The following RBFOX1 variants were observed in gnomAD, a reference collection of about 807,000 sequenced individuals.
RBFOX1 encodes the protein RNA binding protein fox-1 homolog 1.
RBFOX1 carries 8 observed loss-of-function variants against 57.7 expected under a neutral mutation model. That is an observed-to-expected ratio of 0.14 (90% CI 0.08 to 0.25). The LOEUF is 0.25. Ranked by LOEUF, RBFOX1 falls within the 10% of genes least tolerant of loss-of-function variation. RBFOX1 has a pLI of 1.00. For synonymous variants in RBFOX1, 326 were observed against 222.4 expected (o/e 1.47, Z -4.15); for missense variants, 611 against 548.5 (o/e 1.11, Z -1.14).
At chr16:6,550,403 A>C (rs2153872088) in intron 2 of RBFOX1, among the ~76,000 whole-genome samples, 1 of 152,236 alleles carries the variant, frequency 6.6e-6, no homozygotes, top group South Asian at 2.1e-4. Flanking sequence ...TCTCCAGTTC[A>C]TGGCCTCCAA....
At chr16:5,760,657 T>C (rs2053562852) in intron 3 of RBFOX1, among the ~76,000 whole-genome samples, 1 of 152,202 alleles carries the variant, frequency 6.6e-6, no homozygotes, top group South Asian at 2.1e-4. Context: ...AAAGGCCACA[T>C]CTTGTACAAT....
intron 3 of RBFOX1, among the ~76,000 whole-genome samples, chr16:7,013,551 G>A (rs1447653652): frequency 2.0e-5 from 3 of 152,196 alleles, no homozygotes; most frequent in Non-Finnish European, 2.9e-5. Context: ...CAAAATGTTA[G>A]CAGTGCTGAT....
chr16:6,917,980 G>A (rs995756840), intron 3 of RBFOX1, among the ~76,000 whole-genome samples: 9 of 152,050 alleles, frequency 5.9e-5, no homozygotes, highest in Non-Finnish European at 1.2e-4. Flanking sequence ...AGCCACTTAC[G>A]AATTTGTTAA....
In RBFOX1 at chr16:6,859,224, C is replaced by T. The variant is rs552744494; in HGVS notation, c.-15-192833C>T. Among the ~76,000 whole-genome samples, 11 of 110,180 alleles carry T rather than the reference C, an allele frequency of 1.0e-4. No homozygotes were observed. The East Asian group carries it at 2.9e-3, about 29-fold the overall frequency. The allele number at this position is 110,180 out of a possible 152,430, so 72.3% of individuals were successfully genotyped here. On this transcript the variant is annotated intron_variant, in intron 3 of 15. Coordinates refer to ENST00000550418, the MANE Select transcript of RBFOX1 (RefSeq NM_018723.4). ...ATATATATATATACAAAAATTAGTT[C>T]CTCAATCCAATAAGAACATGATTCT...
chr16:6,972,032 CAG>C (rs2085668092), intron 3 of RBFOX1, among the ~76,000 whole-genome samples: 1 of 152,128 alleles, frequency 6.6e-6, no homozygotes, highest in Non-Finnish European at 1.5e-5. Context: ...AAGAGGGGAA[CAG>C]AGAGGGTCAA....
chr16:5,645,029 C>T (rs2049000947), intron 3 of RBFOX1, among the ~76,000 whole-genome samples: 1 of 150,600 alleles, frequency 6.6e-6, no homozygotes. Context: ...TGAAGTCAGG[C>T]ATTTGAGACC....
chr16:7,186,995 A>ACACACAC (rs1007568191), intron 4 of RBFOX1, among the ~76,000 whole-genome samples: 1 of 24,200 alleles, frequency 4.1e-5, no homozygotes, highest in African/African-American at 2.7e-4. Context: ...CCACCTCCAC[A>ACACACAC]AAAAAAAAAA....
chr16:7,330,350 GAACA>G (rs1448234022), intron 4 of RBFOX1, among the ~76,000 whole-genome samples: 4 of 143,932 alleles, frequency 2.8e-5, no homozygotes, highest in African/African-American at 1.0e-4. Flanking sequence ...ATAATGACAA[GAACA>G]AACAGTCTGT....
At chr16:6,210,493 G>A (rs1598393928) in intron 1 of RBFOX1, among the ~76,000 whole-genome samples, 1 of 151,986 alleles carries the variant, frequency 6.6e-6, no homozygotes, top group Non-Finnish European at 1.5e-5. Context: ...ACTTTAAGAA[G>A]CTGAGACAAG....
At chr16:7,333,088 G>T in intron 4 of RBFOX1, 1 of 1,613,252 alleles carries the variant, frequency 6.2e-7, no homozygotes, top group Non-Finnish European at 8.5e-7. Flanking sequence ...GACTGATTCA[G>T]GTAATTCAAG....
intron 3 of RBFOX1, among the ~76,000 whole-genome samples, chr16:5,657,931 C>T (rs1318851338): frequency 6.6e-6 from 1 of 151,816 alleles, no homozygotes; most frequent in Admixed American, 6.6e-5. Context: ...GAGGTTTCGC[C>T]ACCTTGGCCA....
chr16:7,449,351 C>G (rs923967248), intron 4 of RBFOX1, among the ~76,000 whole-genome samples: 6 of 152,052 alleles, frequency 3.9e-5, no homozygotes, highest in Non-Finnish European at 5.9e-5. Context: ...ACCCACCATG[C>G]CAAGTGAAAG....
chr16:5,632,407 C>T (rs2048540604), intron 3 of RBFOX1: 1 of 152,142 alleles, frequency 6.6e-6, no homozygotes, highest in African/African-American at 2.4e-5. Context: ...AATAGCTACC[C>T]TGTATGTTGT....
intron 3 of RBFOX1, among the ~76,000 whole-genome samples, chr16:6,915,130 G>A (rs555203902): frequency 3.9e-5 from 6 of 152,226 alleles, no homozygotes; most frequent in African/African-American, 7.2e-5. Flanking sequence ...AATCAGTGGC[G>A]GAGCCATGCT....
chr16:7,624,154 G>C (rs2142183414), intron 10 of RBFOX1, among the ~76,000 whole-genome samples: 1 of 152,312 alleles, frequency 6.6e-6, no homozygotes, highest in African/African-American at 2.4e-5. Flanking sequence ...AATGGCATCA[G>C]ACGCCTACTA....
intron 4 of RBFOX1, among the ~76,000 whole-genome samples, chr16:7,140,208 C>A (rs1283301822): frequency 1.4e-5 from 2 of 144,280 alleles, no homozygotes; most frequent in Admixed American, 1.4e-4. Context: ...CCTTCTCCCT[C>A]CCAATTTGTC....
intron 3 of RBFOX1, among the ~76,000 whole-genome samples, chr16:6,833,855 C>G (rs929430548): frequency 6.6e-5 from 10 of 152,020 alleles, no homozygotes; most frequent in African/African-American, 1.9e-4. Context: ...GTGGTGCAGA[C>G]TGAGGAGACA....
At chr16:7,228,769 G>C (rs1295380063) in intron 4 of RBFOX1, among the ~76,000 whole-genome samples, 1 of 152,154 alleles carries the variant, frequency 6.6e-6, no homozygotes, top group African/African-American at 2.4e-5. Context: ...ATTTGACCAA[G>C]TTTCCCATTA....
At chr16:5,553,868 T>G (rs2045568536) in intron 2 of RBFOX1, among the ~76,000 whole-genome samples, 1 of 152,122 alleles carries the variant, frequency 6.6e-6, no homozygotes, top group African/African-American at 2.4e-5. Flanking sequence ...TAATTATTAT[T>G]GCATATGTCT....
Sources: allele counts gnomAD v4.1 joint callset (sites outside exome capture counted in the v4.1 genomes callset), GRCh38; gene constraint gnomAD v4.1.1; transcripts MANE v1.5; gene names NCBI Gene and HGNC (gene_info 2026-07-23, HGNC 2026-07-21).